Variants in SRGAP3 observed in about 807,000 individuals in gnomAD.
The protein encoded by SRGAP3 is SLIT-ROBO Rho GTPase-activating protein 3.
Under a neutral mutation model 121.1 loss-of-function variants are expected in SRGAP3, and 39 were observed. That is an observed-to-expected ratio of 0.32 (90% CI 0.25 to 0.42). The LOEUF is 0.42. SRGAP3 is among the 10% of genes least tolerant of loss of function. The pLI, the probability that SRGAP3 is intolerant of heterozygous loss-of-function variation, is 1.00. For synonymous variants in SRGAP3, 601 were observed against 570.0 expected (o/e 1.05, Z -0.77); for missense variants, 1,213 against 1,470.6 (o/e 0.82, Z 2.86).
intron 2 of SRGAP3, 23 bp downstream of exon 2, chr3:9,124,702 T>C: frequency 6.2e-7 from 1 of 1,613,680 alleles, no homozygotes; most frequent in East Asian, 2.2e-5. Flanking sequence ...CCCATCTCTG[T>C]GCACCCATAC....
At chr3:9,119,760 G>A (rs1026368001) in intron 2 of SRGAP3, among the ~76,000 whole-genome samples, 2 of 152,216 alleles carry the variant, frequency 1.3e-5, no homozygotes, top group African/African-American at 4.8e-5. Flanking sequence ...TCTGATGCCC[G>A]GCTGAAGCAG....
intron 1 of SRGAP3, among the ~76,000 whole-genome samples, chr3:9,131,507 C>T (rs1402776768): frequency 7.3e-6 from 1 of 137,128 alleles, no homozygotes; most frequent in Non-Finnish European, 1.5e-5. Flanking sequence ...GGTGCGATCT[C>T]AGCTCACTGC....
At chr3:8,987,398 GGCTT>G in intron 21 of SRGAP3, among the ~76,000 whole-genome samples, 1 of 151,574 alleles carries the variant, frequency 6.6e-6, no homozygotes, top group Non-Finnish European at 1.5e-5. Flanking sequence ...TATTAAGACA[GGCTT>G]GCTTTATTGC....
In SRGAP3 at chr3:8,990,732, G is replaced by A; in HGVS notation, c.2666C>T (p.Ala889Val). 1 of 1,610,482 alleles carries A rather than the reference G, an allele frequency of 6.2e-7. No homozygotes were observed. The highest frequency in any genetic ancestry group is 8.5e-7 in the Non-Finnish European group (1 of 1,178,876). ...GTGGGGGCTGCTGGGGCAGGCAGCA[G>A]CCCGGGGTGGTGTGTCTATGCTGGG... The part of the protein sequence containing the change: ...LGPSIDTPPR[A>V]AACPSSPHKI... The change falls in exon 21 of 22, where the codon GCT becomes GTT. Residue 889 changes from alanine (A) to valine (V), a missense_variant. Transcript: ENST00000383836.
intron 1 of SRGAP3, among the ~76,000 whole-genome samples, chr3:9,190,889 C>T (rs1430905121): frequency 1.3e-5 from 2 of 152,164 alleles, no homozygotes; most frequent in African/African-American, 4.8e-5. Context: ...CTGCCTTGAG[C>T]TCAGCCAGTC....
intron 3 of SRGAP3, among the ~76,000 whole-genome samples, chr3:9,304,949 T>C (rs1955131935): frequency 1.3e-5 from 2 of 152,198 alleles, no homozygotes; most frequent in East Asian, 1.9e-4. Flanking sequence ...CTGCTAAGCC[T>C]TTCTCAACAA....
intron 1 of SRGAP3, among the ~76,000 whole-genome samples, chr3:9,222,241 C>T (rs1952837995): frequency 6.6e-6 from 1 of 152,258 alleles, no homozygotes; most frequent in East Asian, 1.9e-4. Flanking sequence ...CACTGTGTAC[C>T]TGTCATGTAG....
intron 1 of SRGAP3, among the ~76,000 whole-genome samples, chr3:9,135,077 T>C (rs1035164436): frequency 2.6e-5 from 4 of 152,242 alleles, no homozygotes; most frequent in South Asian, 2.1e-4. Flanking sequence ...ACTAGCCACA[T>C]GTGGCTATTT....
intron 1 of SRGAP3, among the ~76,000 whole-genome samples, chr3:9,198,459 C>T (rs565559840): frequency 1.3e-5 from 2 of 152,296 alleles, no homozygotes; most frequent in East Asian, 1.9e-4. Flanking sequence ...GAAGAAACCA[C>T]GGGGCCAGCT....
At chr3:9,263,415 A>G (rs1245774133) in intron 3 of SRGAP3, among the ~76,000 whole-genome samples, 2 of 152,134 alleles carry the variant, frequency 1.3e-5, no homozygotes, top group Non-Finnish European at 2.9e-5. Flanking sequence ...TTCAAAAAAA[A>G]ATCAATGAAT....
intron 17 of SRGAP3, among the ~76,000 whole-genome samples, chr3:9,012,211 G>A (rs1488841719): frequency 6.6e-6 from 1 of 152,208 alleles, no homozygotes; most frequent in Non-Finnish European, 1.5e-5. Context: ...TGAAGCAGCT[G>A]CCCAAATATG....
intron 4 of SRGAP3, among the ~76,000 whole-genome samples, chr3:9,071,966 G>A (rs1022523343): frequency 2.0e-5 from 3 of 152,194 alleles, no homozygotes; most frequent in Admixed American, 2.0e-4. Flanking sequence ...CCTGGATCCA[G>A]TTAGACCTGA....
At chr3:9,359,654 G>C (rs2030694013) in intron 1 of SRGAP3, among the ~76,000 whole-genome samples, 2 of 152,198 alleles carry the variant, frequency 1.3e-5, no homozygotes, top group African/African-American at 4.8e-5. Context: ...AATCAGATTA[G>C]AGTCTTGCCA....
At chr3:9,028,144 A>G (rs1391953009) in intron 12 of SRGAP3, 1 of 1,614,108 alleles carries the variant, frequency 6.2e-7, no homozygotes, top group Non-Finnish European at 8.5e-7. Context: ...ATAACAAAAA[A>G]TAAACAGGCA....
intron 1 of SRGAP3, among the ~76,000 whole-genome samples, chr3:9,245,580 T>C (rs1953789267): frequency 6.6e-6 from 1 of 152,168 alleles, no homozygotes; most frequent in African/African-American, 2.4e-5. Context: ...GGAAAGGAAC[T>C]ATAGAACCAA....
At chr3:9,044,824 T>G (rs531504164) in intron 10 of SRGAP3, among the ~76,000 whole-genome samples, 33 of 152,314 alleles carry the variant, frequency 2.2e-4, no homozygotes, top group Non-Finnish European at 4.7e-4. Context: ...CCTGCTGAAT[T>G]TTTTCCCTTC....
intron 1 of SRGAP3, among the ~76,000 whole-genome samples, chr3:9,138,925 A>G (rs1949757694): frequency 6.8e-6 from 1 of 147,632 alleles, no homozygotes; most frequent in African/African-American, 2.7e-5. Context: ...AGCATTTCAG[A>G]TAAGGAATAC....
chr3:9,269,439 A>G (rs915922991), intron 3 of SRGAP3, among the ~76,000 whole-genome samples: 2 of 152,168 alleles, frequency 1.3e-5, no homozygotes, highest in African/African-American at 4.8e-5. Flanking sequence ...TCTCCCCTGA[A>G]ACTGGCACAT....
At chr3:9,199,556 G>A (rs1344530203) in intron 1 of SRGAP3, among the ~76,000 whole-genome samples, 3 of 152,138 alleles carry the variant, frequency 2.0e-5, no homozygotes, top group African/African-American at 4.8e-5. Context: ...TCTAATGGCT[G>A]TATAATATTC....
Sources: allele counts gnomAD v4.1 joint callset (sites outside exome capture counted in the v4.1 genomes callset), GRCh38; gene constraint gnomAD v4.1.1; transcripts MANE v1.5; gene names NCBI Gene and HGNC (gene_info 2026-07-23, HGNC 2026-07-21).